Variants in PKHD1 observed in about 807,000 individuals in gnomAD.
PKHD1 encodes the protein fibrocystin.
Under a neutral mutation model 412.0 loss-of-function variants are expected in PKHD1, and 291 were observed. That is an observed-to-expected ratio of 0.71 (90% CI 0.64 to 0.78). The LOEUF (loss-of-function observed/expected upper bound fraction) is 0.78, where lower values mean the gene tolerates loss of function less well. Ranked by LOEUF, PKHD1 falls within the 30% of genes least tolerant of loss-of-function variation. The pLI, the probability that PKHD1 is intolerant of heterozygous loss-of-function variation, is 0.00. For synonymous variants in PKHD1, 1,777 were observed against 1,821.5 expected (o/e 0.98, Z 0.62); for missense variants, 4,825 against 4,950.7 (o/e 0.97, Z 0.76).
chr6:51,887,509 G>T (rs757649890), intron 43 of PKHD1, among the ~76,000 whole-genome samples: 19 of 152,132 alleles, frequency 1.2e-4, no homozygotes, highest in Admixed American at 2.0e-4. Context: ...GAGGTGACTG[G>T]ATCACGGGGT....
At chr6:51,717,767 G>A (rs1413821162) in intron 60 of PKHD1, among the ~76,000 whole-genome samples, 2 of 152,184 alleles carry the variant, frequency 1.3e-5, no homozygotes, top group Non-Finnish European at 2.9e-5. Context: ...TCAATAGGCA[G>A]GGAAAGGAAG....
At chr6:51,802,554 A>C (rs1019149509) in intron 52 of PKHD1, among the ~76,000 whole-genome samples, 14 of 151,564 alleles carry the variant, frequency 9.2e-5, no homozygotes, top group Non-Finnish European at 1.6e-4. Context: ...CTAAGCGCCA[A>C]ACTTATTTTC....
intron 60 of PKHD1, among the ~76,000 whole-genome samples, chr6:51,711,802 C>T (rs144212260): frequency 1.0e-3 from 156 of 152,220 alleles, no homozygotes; most frequent in African/African-American, 3.7e-3. Context: ...TTATTAAATG[C>T]TAATATTTAG....
intron 60 of PKHD1, among the ~76,000 whole-genome samples, chr6:51,719,519 A>T (rs1034545378): frequency 1.3e-5 from 2 of 152,102 alleles, no homozygotes; most frequent in Non-Finnish European, 2.9e-5. Flanking sequence ...ACAAACAAAA[A>T]TGTCATCAAA....
At chr6:51,697,228 T>C (rs1041958035) in intron 60 of PKHD1, among the ~76,000 whole-genome samples, 1 of 152,128 alleles carries the variant, frequency 6.6e-6, no homozygotes, top group Non-Finnish European at 1.5e-5. Flanking sequence ...CTAGTAATTG[T>C]CCTCTTAATG....
At position 52,033,032 on chromosome 6, in the gene PKHD1, G is replaced by C; in HGVS notation, c.3362C>G (p.Ala1121Gly). ...TCTTGCAGTATCACATATTTTACCTGCTATATTGCTTATGTTTCTGCTCAG... is the reference window on the plus strand; with the variant it reads ...TCTTGCAGTATCACATATTTTACCTCCTATATTGCTTATGTTTCTGCTCAG... ...VTLSRNISNI[A>G]GGETLVIGVA... Residue 1121 changes from alanine (A) to glycine (G), a missense_variant and splice_region_variant, in exon 29 of 67, where the codon GCA becomes GGA. Physicochemically the swap from Ala to Gly is moderately conservative, Grantham distance 60. Coordinates refer to ENST00000371117, the MANE Select transcript of PKHD1 (RefSeq NM_138694.4). 1 of 1,611,174 alleles carries C rather than the reference G, an allele frequency of 6.2e-7. No homozygotes were observed. The highest frequency in any genetic ancestry group is 8.5e-7 in the Non-Finnish European group (1 of 1,177,584).
intron 12 of PKHD1, 109 bp from the exon 13 acceptor site, chr6:52,065,159 A>ATATG (rs1554220639): frequency 8.3e-6 from 1 of 120,044 alleles, no homozygotes; most frequent in Non-Finnish European, 1.6e-5. Flanking sequence ...ATATATATAT[A>ATATG]TATATATATA....
rs1181178606 is a variant in PKHD1, at chr6:52,065,019, G to A, written c.912C>T (p.Pro304=). 6.3e-7 allele frequency: 1 copy of A among 1,599,446 alleles called. No homozygotes were observed. Among genetic ancestry groups the A allele is most frequent in the Non-Finnish European group, 8.5e-7 (1 of 1,173,626 alleles). ...CCCGAGTGGTGCACTCAATCTTCCT[G>A]GGAGACACGTGTCTAATATCACATG... ...GIPCDIRHVS[P]RKIECTTRAP... The change falls in exon 13 of 67, where the codon CCC becomes CCT. Residue 304 remains proline, a synonymous_variant. Transcript: ENST00000371117.
At chr6:51,751,052 A>T (rs1988089) in intron 57 of PKHD1, among the ~76,000 whole-genome samples, 48,714 of 152,100 alleles carry the variant, frequency 0.32, 9,675 homozygotes, top group East Asian at 0.68. Flanking sequence ...GCTAGGATTA[A>T]AGGCATGAGC....
In PKHD1 at chr6:51,615,359, A is replaced by ATGTT. The variant is rs1181281309; in HGVS notation, c.*3718_*3721dup. ...TTAATCCACATTTAAGTTTACAGAA[A>ATGTT]TGTTTTATTTCTTTTTGAAAATTAC... is the stretch of plus-strand genomic sequence containing the variant. On this transcript the variant is annotated 3_prime_UTR_variant, in exon 67 of 67. Transcript: ENST00000371117. 1.3e-5 allele frequency: 2 copies of ATGTT among 152,164 alleles called. No homozygotes were observed. The highest frequency in any genetic ancestry group is 2.9e-5 in the Non-Finnish European group (2 of 68,000). 9.4% of individuals were successfully genotyped at this position (152,164 alleles called of 1,614,324 possible).
chr6:51,901,526 G>A (rs369088376), intron 43 of PKHD1, among the ~76,000 whole-genome samples: 29 of 152,156 alleles, frequency 1.9e-4, no homozygotes, highest in East Asian at 3.9e-4. Flanking sequence ...GTTGTGGGGT[G>A]GGGGGAGTGG....
chr6:51,638,825 T>TAAA, intron 64 of PKHD1, 24 bp downstream of exon 64: 1 of 971,242 alleles, frequency 1.0e-6, no homozygotes, highest in Non-Finnish European at 1.5e-6. Context: ...AAACACAGAA[T>TAAA]AAAAGCACAC....
intron 27 of PKHD1, among the ~76,000 whole-genome samples, chr6:52,039,119 C>T (rs1406195934): frequency 6.6e-6 from 1 of 152,158 alleles, no homozygotes; most frequent in African/African-American, 2.4e-5. Context: ...CCAATAAGCA[C>T]ATGAAAAGAT....
intron 43 of PKHD1, among the ~76,000 whole-genome samples, chr6:51,895,013 A>G (rs575514068): frequency 1.3e-5 from 2 of 152,354 alleles, no homozygotes; most frequent in South Asian, 2.1e-4. Flanking sequence ...TGTTCCACAT[A>G]TTATACACAT....
At chr6:51,982,860 T>TAA (rs1361102288) in intron 35 of PKHD1, among the ~76,000 whole-genome samples, 1 of 95,908 alleles carries the variant, frequency 1.0e-5, no homozygotes, top group South Asian at 3.1e-4. Flanking sequence ...AAAATAAAAA[T>TAA]AAAATAAAAT....
At chr6:51,644,492 C>T (rs866025448) in intron 63 of PKHD1, among the ~76,000 whole-genome samples, 1 of 152,104 alleles carries the variant, frequency 6.6e-6, no homozygotes, top group Non-Finnish European at 1.5e-5. Context: ...AGCTTAGACT[C>T]ATAGCCAGAG....
intron 66 of PKHD1, among the ~76,000 whole-genome samples, chr6:51,624,639 G>A (rs1767022656): frequency 6.6e-6 from 1 of 152,168 alleles, no homozygotes. Flanking sequence ...ATAACTACTG[G>A]AATCCAAAAG....
chr6:51,804,680 G>A lies in PKHD1; in HGVS notation c.8303-13307C>T, dbSNP rs1763498478. Among the ~76,000 whole-genome samples the A allele has an allele frequency of 2.0e-5, 3 of 152,088 alleles. No homozygotes were observed. The South Asian group carries it at 6.2e-4, about 32-fold the overall frequency. ...ATGAGAGTAACAGTGAGGGATCAAG[G>A]GTGAGACCTAAAGAGTGAGCAGCAG... On this transcript the variant is annotated intron_variant, in intron 52 of 66. Transcript: ENST00000371117.
At chr6:51,881,075 C>CTTTT (rs371470393) in intron 46 of PKHD1, among the ~76,000 whole-genome samples, 45 of 134,054 alleles carry the variant, frequency 3.4e-4, no homozygotes, top group Non-Finnish European at 4.7e-4. Context: ...CTTTTTCTTT[C>CTTTT]TTTTTTTTTT....
Sources: gnomAD v4.1 joint callset for allele counts (sites outside exome capture counted in the v4.1 genomes callset) on GRCh38, gnomAD v4.1.1 for gene constraint, MANE v1.5 for transcripts, NCBI Gene and HGNC (gene_info 2026-07-23, HGNC 2026-07-21) for gene names.